FRMPD4: variants seen among roughly 807,000 people sequenced by gnomAD.
FRMPD4 encodes FERM and PDZ domain-containing protein 4.
FRMPD4 carries 22 observed loss-of-function variants against 94.1 expected under a neutral mutation model. The ratio of observed to expected loss-of-function variants is 0.23; its 90% CI spans 0.17 to 0.33. The LOEUF (loss-of-function observed/expected upper bound fraction) is 0.33, where lower values mean the gene tolerates loss of function less well. Among genes scored for constraint, FRMPD4 ranks in the 10% least tolerant of loss-of-function variants. The pLI is 1.00. For synonymous variants in FRMPD4, 631 were observed against 548.6 expected, an observed-to-expected ratio of 1.15 and a Z score of -2.10; for missense variants, 1,111 against 1,339.9, an observed-to-expected ratio of 0.83 and a Z score of 2.67.
At chrX:12,480,333 GAA>G (rs35074731) in intron 1 of FRMPD4, among the ~76,000 whole-genome samples, 2 of 54,668 alleles carry the variant, frequency 3.7e-5, no homozygotes, top group Non-Finnish European at 6.2e-5. Context: ...GAAAAGAAAT[GAA>G]AAAAAAAAAA....
chrX:12,701,845 A>G, intron 9 of FRMPD4, 29 bp from the exon 10 acceptor site: 6 of 1,203,906 alleles, frequency 5.0e-6, no homozygotes, highest in Non-Finnish European at 6.7e-6. Flanking sequence ...TTCTTTGACA[A>G]GCTGTGCCCC....
intron 1 of FRMPD4, among the ~76,000 whole-genome samples, chrX:12,357,536 T>G (rs1447755233): frequency 1.8e-5 from 2 of 112,236 alleles, no homozygotes; most frequent in South Asian, 7.4e-4. Flanking sequence ...TGGCATTGAA[T>G]AGAATCCATC....
At chrX:11,847,704 A>C (rs139459474) in intron 1 of FRMPD4, among the ~76,000 whole-genome samples, 2 of 110,380 alleles carry the variant, frequency 1.8e-5, no homozygotes, top group Middle Eastern at 4.6e-3. Flanking sequence ...ATGTAGCCAT[A>C]AAAAATGATG....
intron 3 of FRMPD4, among the ~76,000 whole-genome samples, chrX:12,035,553 CTT>C (rs2034537622): frequency 8.9e-6 from 1 of 112,015 alleles, no homozygotes; most frequent in African/African-American, 3.2e-5. Context: ...AAGGTTAACA[CTT>C]TATAAATGGA....
chrX:11,864,811 C>T (rs759367775), intron 1 of FRMPD4, among the ~76,000 whole-genome samples: 4 of 110,823 alleles, frequency 3.6e-5, no homozygotes, highest in Non-Finnish European at 3.8e-5. Flanking sequence ...AATATGTTTC[C>T]CTCTCTAGTA....
chrX:12,133,209 A>ATTTACTTTATTTTAT (rs2055566584), intron 3 of FRMPD4, among the ~76,000 whole-genome samples: 1 of 98,141 alleles, frequency 1.0e-5, no homozygotes, highest in African/African-American at 3.9e-5. Flanking sequence ...GTTTCTAAAA[A>ATTTACTTTATTTTAT]TTTATTTTAT....
chrX:12,655,236 T>A (rs749876981), intron 4 of FRMPD4, among the ~76,000 whole-genome samples: 134 of 112,454 alleles, frequency 1.2e-3, no homozygotes, highest in Non-Finnish European at 1.9e-3. Context: ...AATATAATAT[T>A]TTCTTTATTT....
intron 1 of FRMPD4, among the ~76,000 whole-genome samples, chrX:12,295,079 C>T (rs2054751052): frequency 8.9e-6 from 1 of 112,021 alleles, no homozygotes; most frequent in South Asian, 3.8e-4. Flanking sequence ...TATATCAATA[C>T]CTCCTTTCCC....
In FRMPD4 at chrX:12,382,755, C is replaced by G. The variant is rs142564762; in HGVS notation, c.42-115925C>G. ...ACTGCCCAGCCCCAGCATCCCCTATCTATCATCTCTCAGCCTTGTCTTAAT... is the reference window on the plus strand; with the variant it reads ...ACTGCCCAGCCCCAGCATCCCCTATGTATCATCTCTCAGCCTTGTCTTAAT... On this transcript the variant is annotated intron_variant, in intron 1 of 16. Transcript: ENST00000675598. Among the ~76,000 whole-genome samples the G allele has an allele frequency of 2.5e-4, 28 of 111,639 alleles. No individual in the cohort carries two copies. The East Asian group carries it at 7.3e-3, about 29-fold the overall frequency.
chrX:12,451,340 A>G (rs1261863511), intron 1 of FRMPD4, among the ~76,000 whole-genome samples: 1 of 111,463 alleles, frequency 9.0e-6, no homozygotes, highest in Non-Finnish European at 1.9e-5. Context: ...GACAATACCC[A>G]ATTGTGTTTG....
intron 1 of FRMPD4, among the ~76,000 whole-genome samples, chrX:12,310,585 A>G (rs2055016572): frequency 1.8e-5 from 2 of 112,332 alleles, no homozygotes; most frequent in South Asian, 7.4e-4. Flanking sequence ...AGGTATATCC[A>G]GCATAAAATA....
chrX:12,614,765 C>G lies in FRMPD4; in HGVS notation c.320-14C>G. 1.0e-6 allele frequency: 1 copy of G among 955,499 alleles called. No homozygotes were observed. Among genetic ancestry groups the G allele is most frequent in the Non-Finnish European group, 1.5e-6 (1 of 664,913 alleles). The allele number at this position is 955,499 out of a possible 1,213,427, so 78.7% of individuals were successfully genotyped here. ...ATGGTCTTCTCACCTGTGCTTCATT[C>G]TATTTGTCTCCAGGTGGCCCCTCTG... On this transcript the variant is annotated splice_polypyrimidine_tract_variant and intron_variant, in intron 3 of 16. Transcript: ENST00000675598.
chrX:12,644,354 T>C (rs186051313), intron 4 of FRMPD4, among the ~76,000 whole-genome samples: 61 of 112,094 alleles, frequency 5.4e-4, no homozygotes, highest in African/African-American at 1.9e-3. Flanking sequence ...TAATTAAATA[T>C]GTATCTGCAT....
At chrX:11,966,129 C>A (rs982680890) in intron 3 of FRMPD4, among the ~76,000 whole-genome samples, 2 of 111,287 alleles carry the variant, frequency 1.8e-5, no homozygotes, top group Non-Finnish European at 3.8e-5. Flanking sequence ...TTAATTGAAA[C>A]TTTTCTATGC....
intron 3 of FRMPD4, among the ~76,000 whole-genome samples, chrX:11,933,705 C>A (rs4830457): frequency 0.35 from 38,896 of 110,986 alleles, 5,414 homozygotes; most frequent in East Asian, 0.81. Flanking sequence ...GGATTGAAAC[C>A]GAGTTTCCAA....
chrX:12,529,913 G>C (rs949806044), intron 2 of FRMPD4, among the ~76,000 whole-genome samples: 1 of 107,649 alleles, frequency 9.3e-6, no homozygotes, highest in South Asian at 4.2e-4. Flanking sequence ...TGGTTGGGGG[G>C]TGGGGGTGGG....
intron 1 of FRMPD4, among the ~76,000 whole-genome samples, chrX:12,192,407 A>T (rs2056503021): frequency 8.9e-6 from 1 of 111,983 alleles, no homozygotes; most frequent in Admixed American, 9.4e-5. Flanking sequence ...GTATTTTGAC[A>T]CTTTGCCTGG....
At chrX:12,425,414 T>C (rs183795564) in intron 1 of FRMPD4, among the ~76,000 whole-genome samples, 1 of 112,384 alleles carries the variant, frequency 8.9e-6, no homozygotes, top group Non-Finnish European at 1.9e-5. Context: ...CTGGGCCTAC[T>C]AAACCTTGTT....
At chrX:12,570,112 A>G (rs1316281236) in intron 2 of FRMPD4, among the ~76,000 whole-genome samples, 2 of 111,493 alleles carry the variant, frequency 1.8e-5, no homozygotes, top group Non-Finnish European at 3.8e-5. Context: ...ATTGGAGTAC[A>G]TGTAAATTAC....
Sources: gnomAD v4.1 joint callset for allele counts (sites outside exome capture counted in the v4.1 genomes callset) on GRCh38, gnomAD v4.1.1 for gene constraint, MANE v1.5 for transcripts, NCBI Gene and HGNC (gene_info 2026-07-23, HGNC 2026-07-21) for gene names.